The following AGBL4 variants were observed in gnomAD, a reference collection of about 807,000 sequenced individuals.
AGBL4 encodes AGBL carboxypeptidase 4.
AGBL4 carries 58 observed loss-of-function variants against 66.4 expected under a neutral mutation model. The observed-to-expected ratio is 0.87, with a 90% CI of 0.71 to 1.09. The LOEUF is 1.09. Among genes scored for constraint, AGBL4 ranks in the 50% least tolerant of loss-of-function variants. The probability of loss-of-function intolerance (pLI) is 0.00; values close to 1 mark genes in which losing one functional copy is unlikely to be tolerated. For missense variants in AGBL4, 579 were observed against 631.0 expected (o/e 0.92, Z 0.88); for synonymous variants, 234 against 222.9 (o/e 1.05, Z -0.44).
intron 4 of AGBL4, among the ~76,000 whole-genome samples, chr1:49,215,554 A>G (rs1649021459): frequency 6.6e-6 from 1 of 152,064 alleles, no homozygotes; most frequent in Admixed American, 6.6e-5. Flanking sequence ...TCAAGAGTTC[A>G]TGATGTTTCT....
intron 6 of AGBL4, among the ~76,000 whole-genome samples, chr1:48,805,203 G>T (rs1232290978): frequency 2.6e-5 from 4 of 152,180 alleles, no homozygotes; most frequent in African/African-American, 9.7e-5. Flanking sequence ...TGTGAGAAGT[G>T]CTCTGGGGTT....
intron 2 of AGBL4, among the ~76,000 whole-genome samples, chr1:49,787,396 G>A (rs1265365442): frequency 6.6e-6 from 1 of 151,890 alleles, no homozygotes; most frequent in Non-Finnish European, 1.5e-5. Context: ...CCAGCTACTA[G>A]GGAGGCTGAG....
intron 5 of AGBL4, among the ~76,000 whole-genome samples, chr1:49,043,105 T>A (rs1364683009): frequency 6.6e-6 from 1 of 152,150 alleles, no homozygotes. Flanking sequence ...ATCTCAGAAT[T>A]TTTCTGACAA....
intron 1 of AGBL4, among the ~76,000 whole-genome samples, chr1:49,961,070 G>C (rs1046044864): frequency 2.6e-5 from 4 of 152,100 alleles, no homozygotes; most frequent in Admixed American, 1.3e-4. Context: ...CGTTGAAATT[G>C]ATGAAGCATC....
At chr1:48,910,895 C>T (rs966604651) in intron 5 of AGBL4, among the ~76,000 whole-genome samples, 6 of 152,160 alleles carry the variant, frequency 3.9e-5, no homozygotes, top group Non-Finnish European at 5.9e-5. Flanking sequence ...CATTCCTAGG[C>T]CATTGAGTTG....
At chr1:49,853,939 C>T (rs1187423840) in intron 1 of AGBL4, among the ~76,000 whole-genome samples, 2 of 151,938 alleles carry the variant, frequency 1.3e-5, no homozygotes, top group African/African-American at 2.4e-5. Context: ...AACAATAGTT[C>T]TTCAGGCAGA....
At chr1:48,761,700 T>C (rs976722036) in intron 6 of AGBL4, among the ~76,000 whole-genome samples, 1 of 152,214 alleles carries the variant, frequency 6.6e-6, no homozygotes, top group Non-Finnish European at 1.5e-5. Flanking sequence ...AGTGTTGAAA[T>C]AGCAGCCAGT....
At chr1:49,174,986 C>A (rs1190566464) in intron 4 of AGBL4, 5 of 151,976 alleles carry the variant, frequency 3.3e-5, no homozygotes, top group African/African-American at 7.2e-5. Flanking sequence ...ATTCACTTGG[C>A]AAATGTGATA....
At chr1:49,346,190 T>A (rs949864548) in intron 3 of AGBL4, among the ~76,000 whole-genome samples, 1 of 152,128 alleles carries the variant, frequency 6.6e-6, no homozygotes, top group Admixed American at 6.5e-5. Flanking sequence ...AGGAAAATTA[T>A]GTTTCAAAAA....
At chr1:49,051,330 A>T (rs144700921) in intron 4 of AGBL4, among the ~76,000 whole-genome samples, 7 of 152,154 alleles carry the variant, frequency 4.6e-5, no homozygotes, top group Non-Finnish European at 1.0e-4. Flanking sequence ...TATCCGTTTG[A>T]TGCACACTAC....
chr1:49,335,370 C>T (rs1334494309), intron 3 of AGBL4, among the ~76,000 whole-genome samples: 1 of 152,160 alleles, frequency 6.6e-6, no homozygotes, highest in Non-Finnish European at 1.5e-5. Flanking sequence ...TGTTTCCTAA[C>T]TGGTCTTTTA....
chr1:49,385,387 AG>A (rs2148582786), intron 3 of AGBL4, among the ~76,000 whole-genome samples: 1 of 152,034 alleles, frequency 6.6e-6, no homozygotes, highest in Admixed American at 6.6e-5. Context: ...AAACTAAAGA[AG>A]TTTCAAACTC....
At chr1:49,570,198 A>G (rs1428944815) in intron 3 of AGBL4, among the ~76,000 whole-genome samples, 1 of 152,104 alleles carries the variant, frequency 6.6e-6, no homozygotes, top group Non-Finnish European at 1.5e-5. Context: ...ATTCCTCCCA[A>G]CAGTGAATAA....
At chr1:49,016,100 C>T (rs1662802060) in intron 5 of AGBL4, among the ~76,000 whole-genome samples, 1 of 152,156 alleles carries the variant, frequency 6.6e-6, no homozygotes, top group Admixed American at 6.5e-5. Context: ...TTGTGGCAGA[C>T]TCTCAATAAA....
chr1:49,006,356 C>T (rs1439797572), intron 5 of AGBL4, among the ~76,000 whole-genome samples: 2 of 152,234 alleles, frequency 1.3e-5, no homozygotes, highest in Admixed American at 6.5e-5. Context: ...TTATATCCCA[C>T]ACCTGGCTCG....
intron 3 of AGBL4, among the ~76,000 whole-genome samples, chr1:49,313,029 C>A (rs1373699164): frequency 6.6e-6 from 1 of 151,986 alleles, no homozygotes; most frequent in Non-Finnish European, 1.5e-5. Context: ...CCTCTAGCCC[C>A]CCAACCCCCA....
intron 3 of AGBL4, among the ~76,000 whole-genome samples, chr1:49,354,329 A>G (rs1249979620): frequency 1.3e-5 from 2 of 152,242 alleles, no homozygotes; most frequent in African/African-American, 4.8e-5. Context: ...ATATTTAATC[A>G]ACATTTAACC....
rs77920688 is a variant in AGBL4 at position 48,876,518 on chromosome 1, G to A, written c.595-9288C>T. Among the ~76,000 whole-genome samples the A allele has an allele frequency of 3.6e-3, 546 of 152,232 alleles. 1 individual carries two copies. The highest frequency in any genetic ancestry group is 6.1e-3 in the Non-Finnish European group (416 of 68,014). ...AAGGTCATGTGGGGACCTGCAAGAA[G>A]AGACTGGTATTTCAAGTGACAGTAG... On this transcript the variant is annotated intron_variant, in intron 5 of 13. Coordinates refer to ENST00000371839, the MANE Select transcript of AGBL4 (RefSeq NM_032785.4).
At chr1:48,578,841 C>T (rs891080623) in intron 11 of AGBL4, among the ~76,000 whole-genome samples, 2 of 152,058 alleles carry the variant, frequency 1.3e-5, no homozygotes, top group African/African-American at 4.8e-5. Context: ...TTAACCAAGT[C>T]CACATAGCTT....
Sources: allele counts gnomAD v4.1 joint callset (sites outside exome capture counted in the v4.1 genomes callset), GRCh38; gene constraint gnomAD v4.1.1; transcripts MANE v1.5; gene names NCBI Gene and HGNC (gene_info 2026-07-23, HGNC 2026-07-21).